IQSEC1: variants seen among roughly 807,000 people sequenced by gnomAD.
The protein encoded by IQSEC1 is IQ motif and SEC7 domain-containing protein 1.
Under a neutral mutation model 91.0 loss-of-function variants are expected in IQSEC1, and 31 were observed. The ratio of observed to expected loss-of-function variants is 0.34; its 90% CI spans 0.26 to 0.46. IQSEC1 has a LOEUF of 0.46. Among genes scored for constraint, IQSEC1 ranks in the 20% least tolerant of loss-of-function variants. The pLI is 1.00. For missense variants in IQSEC1, 1,388 were observed against 1,575.6 expected, an observed-to-expected ratio of 0.88 and a Z score of 2.02; for synonymous variants, 699 against 662.6, an observed-to-expected ratio of 1.05 and a Z score of -0.84.
At chr3:13,252,802 A>G (rs1695219879) in intron 1 of IQSEC1, among the ~76,000 whole-genome samples, 1 of 151,770 alleles carries the variant, frequency 6.6e-6, no homozygotes, top group African/African-American at 2.4e-5. Flanking sequence ...GCACAATCTC[A>G]GCTCACTGCC....
At chr3:12,902,371 A>G (rs904527525) in intron 13 of IQSEC1, among the ~76,000 whole-genome samples, 1 of 152,028 alleles carries the variant, frequency 6.6e-6, no homozygotes, top group African/African-American at 2.4e-5. Context: ...AACATCCAAC[A>G]GCAAGTGTGG....
In IQSEC1 at chr3:12,899,319, G is replaced by T; in HGVS notation, c.*1664C>A. ...GGCCCCGCGGCCCGCAGAGTCAGGC[G>T]TGAGCTTCGCCCTTTCTGAAAGGGC... is the stretch of plus-strand genomic sequence containing the variant. On this transcript the variant is annotated 3_prime_UTR_variant, in exon 14 of 14. Transcript: ENST00000613206. 1.9e-6 allele frequency: 3 copies of T among 1,552,242 alleles called. No homozygotes were observed. Among genetic ancestry groups the T allele is most frequent in the Middle Eastern group, 1.7e-4 (1 of 5,754 alleles).
chr3:13,215,008 G>A (rs1434952357), intron 1 of IQSEC1, among the ~76,000 whole-genome samples: 1 of 152,150 alleles, frequency 6.6e-6, no homozygotes, highest in African/African-American at 2.4e-5. Flanking sequence ...GTTCAGGGCT[G>A]GCAGGATGAG....
Position 12,904,153 on chromosome 3 carries a change from C to T in IQSEC1, c.2756-1331G>A, listed in dbSNP as rs147982434. Among the ~76,000 whole-genome samples, 44 of 152,342 alleles carry T rather than the reference C, an allele frequency of 2.9e-4. No homozygotes were observed. In the East Asian group the frequency reaches 5.6e-3, roughly 19 times the overall value. ...CAGGTGGAGGAAGTGCTGTGGGCTT[C>T]GAGCCTCCCCGTGCCATCTGAATGT... is the stretch of plus-strand genomic sequence containing the variant. On this transcript the variant is annotated intron_variant, in intron 12 of 13. Transcript: ENST00000613206.
intron 1 of IQSEC1, among the ~76,000 whole-genome samples, chr3:13,196,842 G>A (rs751821971): frequency 2.0e-5 from 3 of 151,794 alleles, no homozygotes; most frequent in Admixed American, 1.3e-4. Context: ...AGAAGCAGCC[G>A]CAGGGGCTCT....
At chr3:12,941,918 G>T in intron 1 of IQSEC1, 53 bp from the exon 2 acceptor site, 2 of 1,482,210 alleles carry the variant, frequency 1.3e-6, no homozygotes, top group Non-Finnish European at 1.8e-6. Flanking sequence ...ATCTGAACAC[G>T]ACACCGGGCC....
intron 1 of IQSEC1, among the ~76,000 whole-genome samples, chr3:13,200,884 C>T (rs1205282133): frequency 6.6e-6 from 1 of 152,098 alleles, no homozygotes; most frequent in African/African-American, 2.4e-5. Context: ...TGGGACGATC[C>T]AATGAGATCA....
chr3:13,185,472 T>G (rs1693914921), intron 1 of IQSEC1, among the ~76,000 whole-genome samples: 1 of 152,234 alleles, frequency 6.6e-6, no homozygotes, highest in South Asian at 2.1e-4. Context: ...CAGGGTCCTG[T>G]GCCTGGGACT....
At chr3:13,019,533 G>A (rs971458804) in intron 1 of IQSEC1, among the ~76,000 whole-genome samples, 1 of 152,234 alleles carries the variant, frequency 6.6e-6, no homozygotes, top group Non-Finnish European at 1.5e-5. Context: ...CAGCCGAGGG[G>A]GCTGGGATCC....
At chr3:13,149,881 C>T (rs1264280264) in intron 2 of IQSEC1, among the ~76,000 whole-genome samples, 1 of 152,218 alleles carries the variant, frequency 6.6e-6, no homozygotes, top group Non-Finnish European at 1.5e-5. Context: ...CAGTCATGAC[C>T]TGTCTTCAAA....
At chr3:13,079,669 G>A (rs988078432) in intron 2 of IQSEC1, among the ~76,000 whole-genome samples, 9 of 152,316 alleles carry the variant, frequency 5.9e-5, no homozygotes, top group Non-Finnish European at 1.2e-4. Context: ...TCTCATCACC[G>A]GAGCCCTGGG....
chr3:13,122,152 G>C (rs1706436406), intron 2 of IQSEC1, among the ~76,000 whole-genome samples: 1 of 152,246 alleles, frequency 6.6e-6, no homozygotes, highest in South Asian at 2.1e-4. Context: ...GTGTAAACCT[G>C]GAAACCAGCT....
upstream of IQSEC1, among the ~76,000 whole-genome samples, chr3:13,077,001 AT>A (rs1267367628): frequency 1.3e-5 from 2 of 149,088 alleles, no homozygotes; most frequent in African/African-American, 2.5e-5. Context: ...CCTAAAAAAA[AT>A]GGCATCATTT....
intron 1 of IQSEC1, among the ~76,000 whole-genome samples, chr3:13,204,674 G>A (rs1694309576): frequency 6.6e-6 from 1 of 152,212 alleles, no homozygotes; most frequent in Non-Finnish European, 1.5e-5. Flanking sequence ...GCTCAGAAGG[G>A]GCGGCTCGGG....
At chr3:13,245,681 C>T (rs937043237) in intron 1 of IQSEC1, among the ~76,000 whole-genome samples, 17 of 151,608 alleles carry the variant, frequency 1.1e-4, no homozygotes, top group Non-Finnish European at 1.6e-4. Flanking sequence ...GCACGAGAAT[C>T]GCTTGAACCC....
chr3:13,187,648 C>T (rs1036164395), intron 1 of IQSEC1, among the ~76,000 whole-genome samples: 1 of 152,196 alleles, frequency 6.6e-6, no homozygotes, highest in African/African-American at 2.4e-5. Flanking sequence ...AACATTTATA[C>T]ACTAAATAAT....
At chr3:13,006,548 C>T (rs1702641672) in intron 1 of IQSEC1, among the ~76,000 whole-genome samples, 1 of 152,264 alleles carries the variant, frequency 6.6e-6, no homozygotes, top group Admixed American at 6.5e-5. Context: ...CCCAGCTGAG[C>T]ATAGCCAAGG....
chr3:13,080,212 G>A (rs1483496880), intron 2 of IQSEC1, among the ~76,000 whole-genome samples: 2 of 152,218 alleles, frequency 1.3e-5, no homozygotes, highest in African/African-American at 4.8e-5. Flanking sequence ...AGGATTAGTG[G>A]GGAGAGATTA....
chr3:13,010,446 G>A (rs141302429), intron 1 of IQSEC1, among the ~76,000 whole-genome samples: 1 of 152,242 alleles, frequency 6.6e-6, no homozygotes, highest in Non-Finnish European at 1.5e-5. Context: ...ATGGAGAGTC[G>A]ATTCTGTCAG....
Sources: gnomAD v4.1 joint callset for allele counts (sites outside exome capture counted in the v4.1 genomes callset) on GRCh38, gnomAD v4.1.1 for gene constraint, MANE v1.5 for transcripts, NCBI Gene and HGNC (gene_info 2026-07-23, HGNC 2026-07-21) for gene names.